Variants in TAFA5 observed in about 807,000 individuals in gnomAD.
TAFA5 encodes the protein TAFA chemokine like family member 5, also known as chemokine-like protein TAFA-5.
In TAFA5, 6 loss-of-function variants were observed where a neutral mutation model predicts 15.3. The ratio of observed to expected loss-of-function variants is 0.39; its 90% CI spans 0.21 to 0.77. TAFA5 has a LOEUF of 0.77. Ranked by LOEUF, TAFA5 falls within the 30% of genes least tolerant of loss-of-function variation. TAFA5 has a pLI of 0.41. For synonymous variants in TAFA5, 103 were observed against 80.7 expected (o/e 1.28, Z -1.48); for missense variants, 161 against 193.1 (o/e 0.83, Z 0.98).
chr22:48,639,285 G>T (rs1926589326), intron 1 of TAFA5, among the ~76,000 whole-genome samples: 1 of 152,322 alleles, frequency 6.6e-6, no homozygotes, highest in East Asian at 1.9e-4. Context: ...CTGCCCTCAG[G>T]CCTGCGGGGC....
intron 1 of TAFA5, among the ~76,000 whole-genome samples, chr22:48,506,848 A>G (rs1921010274): frequency 6.6e-6 from 1 of 152,194 alleles, no homozygotes; most frequent in Non-Finnish European, 1.5e-5. Context: ...AAATTCATCA[A>G]CATCCCTGGC....
intron 1 of TAFA5, among the ~76,000 whole-genome samples, chr22:48,515,388 C>T (rs576088190): frequency 2.5e-4 from 38 of 152,294 alleles, no homozygotes; most frequent in African/African-American, 8.7e-4. Flanking sequence ...GCTGTCTGTC[C>T]GCTGTCCTGC....
At chr22:48,745,747 C>T (rs959849682) in intron 3 of TAFA5, among the ~76,000 whole-genome samples, 2 of 152,176 alleles carry the variant, frequency 1.3e-5, no homozygotes, top group African/African-American at 4.8e-5. Context: ...TTGGAGGGGG[C>T]CCGGGAGGTG....
At chr22:48,570,092 C>T (rs1923533145) in intron 1 of TAFA5, among the ~76,000 whole-genome samples, 1 of 152,228 alleles carries the variant, frequency 6.6e-6, no homozygotes, top group African/African-American at 2.4e-5. Flanking sequence ...GCAGGGCCCT[C>T]CCATGCTGCA....
At chr22:48,589,778 G>A (rs1310761771) in intron 1 of TAFA5, among the ~76,000 whole-genome samples, 1 of 152,154 alleles carries the variant, frequency 6.6e-6, no homozygotes, top group African/African-American at 2.4e-5. Flanking sequence ...GCCATCAGGA[G>A]CTGGAAGAGG....
At chr22:48,667,294 G>T (rs1349326821) in intron 2 of TAFA5, among the ~76,000 whole-genome samples, 1 of 152,084 alleles carries the variant, frequency 6.6e-6, no homozygotes, top group East Asian at 1.9e-4. Context: ...ACCTAACGGT[G>T]TGATGATTTA....
intron 1 of TAFA5, among the ~76,000 whole-genome samples, chr22:48,594,212 G>C (rs1924678207): frequency 6.6e-6 from 1 of 152,188 alleles, no homozygotes; most frequent in South Asian, 2.1e-4. Flanking sequence ...CCCGGCGTTG[G>C]GGTGCAGGCG....
At chr22:48,738,016 A>G (rs1930080668) in intron 3 of TAFA5, among the ~76,000 whole-genome samples, 1 of 152,136 alleles carries the variant, frequency 6.6e-6, no homozygotes, top group Admixed American at 6.5e-5. Flanking sequence ...TTTGGAGGAC[A>G]TGAGGGAGAT....
intron 1 of TAFA5, chr22:48,576,296 C>G (rs894117118): frequency 8.7e-7 from 1 of 1,152,414 alleles, no homozygotes; most frequent in African/African-American, 1.6e-5. Flanking sequence ...CTCCCCTCCC[C>G]CCTGCCCAGA....
At chr22:48,508,982 C>A (rs1390502261) in intron 1 of TAFA5, among the ~76,000 whole-genome samples, 1 of 152,222 alleles carries the variant, frequency 6.6e-6, no homozygotes, top group Non-Finnish European at 1.5e-5. Context: ...CCTCTCCAGC[C>A]TCTAATAACC....
chr22:48,592,658 CCTCCCTCA>C (rs1451420438), intron 1 of TAFA5, among the ~76,000 whole-genome samples: 1 of 152,102 alleles, frequency 6.6e-6, no homozygotes, highest in African/African-American at 2.4e-5. Context: ...TCCCTCCCTC[CCTCCCTCA>C]CTCCCTCCTC....
At chr22:48,719,274 G>T (rs1015340438) in intron 3 of TAFA5, among the ~76,000 whole-genome samples, 2 of 152,168 alleles carry the variant, frequency 1.3e-5, no homozygotes, top group Admixed American at 1.3e-4. Flanking sequence ...CCGCCCCTCG[G>T]GTGAGGTGGC....
intron 2 of TAFA5, among the ~76,000 whole-genome samples, chr22:48,685,820 G>T (rs1446854172): frequency 2.6e-5 from 4 of 152,142 alleles, no homozygotes; most frequent in Non-Finnish European, 5.9e-5. Flanking sequence ...GTTGCCGGCT[G>T]CATCCATCAC....
chr22:48,533,776 T>C (rs1416432784), intron 1 of TAFA5, among the ~76,000 whole-genome samples: 1 of 152,222 alleles, frequency 6.6e-6, no homozygotes, highest in Non-Finnish European at 1.5e-5. Context: ...CAAACCTTTT[T>C]TTTTCCTTTT....
intron 1 of TAFA5, among the ~76,000 whole-genome samples, chr22:48,503,229 C>A (rs183379047): frequency 6.6e-6 from 1 of 152,338 alleles, no homozygotes; most frequent in Non-Finnish European, 1.5e-5. Flanking sequence ...GTTCTTGCTG[C>A]CCCTGGGAAG....
At chr22:48,581,012 C>T (rs1248838173) in intron 1 of TAFA5, among the ~76,000 whole-genome samples, 1 of 152,202 alleles carries the variant, frequency 6.6e-6, no homozygotes, top group Non-Finnish European at 1.5e-5. Context: ...GTTTGCAAGG[C>T]CAGGTAGGTG....
At chr22:48,676,098 G>A (rs1927963407) in intron 2 of TAFA5, among the ~76,000 whole-genome samples, 1 of 152,252 alleles carries the variant, frequency 6.6e-6, no homozygotes, top group African/African-American at 2.4e-5. Flanking sequence ...TCAGCCCCCA[G>A]AGGGCTCACA....
At position 48,560,602 on chromosome 22, in the gene TAFA5, A is replaced by AT. The variant is rs1923199300; in HGVS notation, c.112+70900dup. Among the ~76,000 whole-genome samples, 1 of 149,344 alleles carries AT rather than the reference A, an allele frequency of 6.7e-6. No homozygotes were observed. The highest frequency in any genetic ancestry group is 2.4e-5 in the African/African-American group (1 of 40,916). ...TTATTATTATTATTATATTATTATTATTAATTATTTATTTATTTATTTTTG... is the reference window on the plus strand; with the variant it reads ...TTATTATTATTATTATATTATTATTATTTAATTATTTATTTATTTATTTTTG... On this transcript the variant is annotated intron_variant, in intron 1 of 3. Coordinates refer to ENST00000402357, the MANE Select transcript of TAFA5 (RefSeq NM_001082967.3). This position sits in a 1 kb window ranked among gnomAD's most constrained non-coding sequence, Gnocchi z 4.2.
At chr22:48,714,254 G>C (rs78131695) in intron 3 of TAFA5, among the ~76,000 whole-genome samples, 1 of 152,212 alleles carries the variant, frequency 6.6e-6, no homozygotes, top group Non-Finnish European at 1.5e-5. Flanking sequence ...ACAGGGACAC[G>C]AAAGGGGGAA....
Sources: allele counts gnomAD v4.1 joint callset (sites outside exome capture counted in the v4.1 genomes callset), GRCh38; gene constraint gnomAD v4.1.1; non-coding constraint Gnocchi (gnomAD v3.1); transcripts MANE v1.5; gene names NCBI Gene and HGNC (gene_info 2026-07-23, HGNC 2026-07-21).